The following RPE65 variants were observed in gnomAD, a reference collection of about 807,000 sequenced individuals.
The protein encoded by RPE65 is retinoid isomerohydrolase RPE65, also known as retinoid isomerohydrolase.
RPE65 carries 58 observed loss-of-function variants against 68.5 expected under a neutral mutation model. That is an observed-to-expected ratio of 0.85 (90% confidence interval 0.69 to 1.05). The LOEUF is 1.05. Ranked by LOEUF, RPE65 falls within the 50% of genes least tolerant of loss-of-function variation. The probability of loss-of-function intolerance (pLI) is 0.00; values close to 1 mark genes in which losing one functional copy is unlikely to be tolerated. For synonymous variants in RPE65, 220 were observed against 222.2 expected (o/e 0.99, Z 0.09); for missense variants, 643 against 629.9 (o/e 1.02, Z -0.22).
At chr1:68,438,506 G>C (rs137978847) in intron 9 of RPE65, among the ~76,000 whole-genome samples, 190 bp from the exon 10 acceptor site, 4 of 152,212 alleles carry the variant, frequency 2.6e-5, no homozygotes, top group Admixed American at 2.6e-4. Flanking sequence ...CCTGCTTAAT[G>C]GATTTGTTTA....
rs965685312 is a variant in RPE65 at position 68,442,623 on chromosome 1, T to A, written c.496-1623A>T. On this transcript the variant is annotated intron_variant, in intron 5 of 13. Transcript: ENST00000262340. ...TAAACAATCAAAAATTTCACATTTT[T>A]AAAATTACATTTTACAGTGCTAGTA... Among the ~76,000 whole-genome samples the A allele has an allele frequency of 3.3e-5, 5 of 152,244 alleles. No homozygotes were observed. The South Asian group carries it at 8.3e-4, about 25-fold the overall frequency.
intron 10 of RPE65, among the ~76,000 whole-genome samples, chr1:68,433,775 A>C (rs1441564363): frequency 1.3e-5 from 2 of 152,030 alleles, no homozygotes; most frequent in East Asian, 1.9e-4. Flanking sequence ...GGGGGTGGAG[A>C]GCTGAATTTA....
At position 68,434,117 on chromosome 1, in the gene RPE65, C is replaced by T. The variant is rs12140914; in HGVS notation, c.1129-2532G>A. ...ATATATATATATATATATATATATA[C>T]ACACACACACACACACACACACATA... On this transcript the variant is annotated intron_variant, in intron 10 of 13. Coordinates refer to ENST00000262340, the MANE Select transcript of RPE65 (RefSeq NM_000329.3). Among the ~76,000 whole-genome samples the T allele has an allele frequency of 5.1e-3, 534 of 104,612 alleles. 5 individuals are homozygous for T. Among genetic ancestry groups the T allele is most frequent in the Middle Eastern group, 0.024 (5 of 208 alleles). 68.6% of individuals were successfully genotyped at this position (104,612 alleles called of 152,430 possible).
chr1:68,444,783 A>G lies in RPE65; in HGVS notation c.346T>C (p.Phe116Leu), dbSNP rs1315670304. 6.2e-7 allele frequency: 1 copy of G among 1,614,198 alleles called. No homozygotes were observed. The highest frequency in any genetic ancestry group is 1.3e-5 in the African/African-American group (1 of 75,064). ...CAGTTTGGGTTCAGTAACCTGGAAA[A>G]TATATTCTTGCAGGGATCTGGGAAA... ...CAFPDPCKNI[F>L]SRFFSYFRGV... Residue 116 changes from phenylalanine (F) to leucine (L), a missense_variant, in exon 4 of 14, where the codon TTT becomes CTT. By Grantham distance (22) the Phe-to-Leu change is conservative. Transcript: ENST00000262340.
chr1:68,439,790 T>C, intron 6 of RPE65, 148 bp from the exon 7 acceptor site: 1 of 697,890 alleles, frequency 1.4e-6, no homozygotes, highest in Non-Finnish European at 2.4e-6. Context: ...TTGCACTTCT[T>C]AGTGAAATTT....
At chr1:68,449,138 G>A (rs1337421721) in intron 1 of RPE65, among the ~76,000 whole-genome samples, 1 of 152,044 alleles carries the variant, frequency 6.6e-6, no homozygotes, top group Non-Finnish European at 1.5e-5. Flanking sequence ...AACATGCTCA[G>A]CTCACAGCAT....
Position 68,439,635 on chromosome 1 carries a change from T to A in RPE65, c.651A>T (p.Glu217Asp). ...CGATCTCTGACTTGCTTATTGGATC[T>A]TCCTTGTCTGAAATAAAGTGGTTTT... The part of the protein sequence containing the change: ...VKIPPLQADK[E>D]DPISKSEIVV... Residue 217 changes from glutamate to aspartate, a missense_variant, in exon 7 of 14, where the codon GAA becomes GAT. By Grantham distance (45) the Glu-to-Asp change is conservative (BLOSUM62 2). Transcript: ENST00000262340. The A allele has an allele frequency of 1.2e-6, 2 of 1,613,784 alleles. No homozygotes were observed. Among genetic ancestry groups the A allele is most frequent in the Non-Finnish European group, 1.7e-6 (2 of 1,179,704 alleles).
In RPE65 at chr1:68,444,596, A is replaced by C. The variant is rs61752880; in HGVS notation, c.430T>G (p.Tyr144Asp). The change falls in exon 5 of 14, where the codon TAC (tyrosine) becomes GAC (aspartate). Residue 144 changes from tyrosine (Y) to aspartate (D), a missense_variant. Coordinates refer to ENST00000262340, the MANE Select transcript of RPE65 (RefSeq NM_000329.3). ...ATAAAGTTGGTCTCTGTGCAAGCGT[A>C]GTAATCTTCCCCCACTGGGTAGACA... ...VNVYPVGEDY[Y>D]ACTETNFITK... is the part of the protein sequence containing the mutation. The C allele has an allele frequency of 1.2e-6, 2 of 1,614,206 alleles. No individual in the cohort carries two copies. The highest frequency in any genetic ancestry group is 1.7e-6 in the Non-Finnish European group (2 of 1,180,024).
chr1:68,435,314 A>AT (rs1645853442), intron 10 of RPE65, among the ~76,000 whole-genome samples: 1 of 151,928 alleles, frequency 6.6e-6, no homozygotes, highest in Non-Finnish European at 1.5e-5. Flanking sequence ...CAAATTCTTT[A>AT]TTTTTTAAAT....
rs201379753 is a variant in RPE65, at chr1:68,431,560, G to A, written c.1154C>T (p.Thr385Met). The change falls in exon 11 of 14, where the codon ACG becomes ATG. Residue 385 changes from threonine to methionine, a missense_variant. Thr to Met is a moderately conservative substitution (Grantham distance 81, BLOSUM62 -1). Transcript: ENST00000262340. ...DKADTGKNLV[T>M]LPNTTATAIL... is the part of the protein sequence containing the mutation. Reference sequence around the variant, plus strand: ...TGCAGTGGCAGTTGTATTGGGGAGCGTGACTAAATTCTTGCCTGTGTCAGC... The same window carrying A: ...TGCAGTGGCAGTTGTATTGGGGAGCATGACTAAATTCTTGCCTGTGTCAGC... 214 of 1,613,842 alleles carry A rather than the reference G, an allele frequency of 1.3e-4. 1 individual carries two copies. The East Asian group carries it at 3.6e-3, about 27-fold the overall frequency.
rs1356481197 is a variant in RPE65, at chr1:68,438,172, A to G, written c.1128+15T>C. 1 of 1,613,750 alleles carries G rather than the reference A, an allele frequency of 6.2e-7. No homozygotes were observed. The highest frequency in any genetic ancestry group is 1.7e-5 in the Admixed American group (1 of 60,000). ...CATTCTGGTTAAATCTGAAATCTAC[A>G]GAGAAGCAGGTTACCTTGTCAATAT... On this transcript the variant is annotated intron_variant, in intron 10 of 13. Transcript: ENST00000262340.
chr1:68,439,789 T>C, intron 6 of RPE65, 147 bp from the exon 7 acceptor site: 1 of 698,548 alleles, frequency 1.4e-6, no homozygotes. Context: ...TTTGCACTTC[T>C]TAGTGAAATT....
Position 68,446,696 on chromosome 1 carries a change from G to C in RPE65, c.245+14C>G, listed in dbSNP as rs368381348. 1.2e-6 allele frequency: 2 copies of C among 1,614,126 alleles called. No individual in the cohort carries two copies. The highest frequency in any genetic ancestry group is 2.2e-5 in the South Asian group (2 of 91,074). On this transcript the variant is annotated intron_variant, in intron 3 of 13. Transcript: ENST00000262340. ...TACTTTGAGGAGGAGGAGTGGCATG[G>C]AGTGCTGCTTTACCTTCTGTGGTAT...
rs1260969698 is a variant in RPE65, at chr1:68,439,560, C to T, written c.725+1G>A. The T allele has an allele frequency of 6.2e-7, 1 of 1,613,584 alleles. No homozygotes were observed. Among genetic ancestry groups the T allele is most frequent in the Non-Finnish European group, 8.5e-7 (1 of 1,179,520 alleles). On this transcript the variant is annotated splice_donor_variant, in intron 7 of 13. Transcript: ENST00000262340. LOFTEE classifies it high-confidence loss of function. ...AGATTCATAGCAGGCCTTCAAGTTA[C>T]CTATGAACGTAAGATGGCTTGAATC...
chr1:68,435,929 A>G (rs747692714), intron 10 of RPE65, among the ~76,000 whole-genome samples: 16 of 152,220 alleles, frequency 1.1e-4, no homozygotes, highest in Non-Finnish European at 2.2e-4. Flanking sequence ...AAATAGTATG[A>G]TGCCTGTTTT....
Position 68,431,103 on chromosome 1 carries a change from A to G in RPE65, c.1412T>C (p.Ile471Thr). ...CAAGGCATCTGGGTGAGAAACAAAG[A>G]TGGGTTCTGATGGGTATGAATCAGG... is the stretch of plus-strand genomic sequence containing the variant. ...QEPDSYPSEP[I>T]FVSHPDALEE... The change falls in exon 13 of 14, where the codon ATC becomes ACC. Residue 471 changes from isoleucine (I) to threonine (T), a missense_variant. By Grantham distance (89) the Ile-to-Thr change is moderately conservative. Transcript: ENST00000262340. The G allele has an allele frequency of 6.2e-7, 1 of 1,613,822 alleles. No individual in the cohort carries two copies. The highest frequency in any genetic ancestry group is 1.1e-5 in the South Asian group (1 of 91,084).
Position 68,429,839 on chromosome 1 carries a change from A to T in RPE65, c.1539T>A (p.Val513=). 6.2e-7 allele frequency: 1 copy of T among 1,613,874 alleles called. No homozygotes were observed. Among genetic ancestry groups the T allele is most frequent in the Non-Finnish European group, 8.5e-7 (1 of 1,179,836 alleles). The change falls in exon 14 of 14, where the codon GTT becomes GTA. Residue 513 remains valine, a synonymous_variant. Coordinates refer to ENST00000262340, the MANE Select transcript of RPE65 (RefSeq NM_000329.3). ...LILNAKDLSE[V]ARAEVEINIP... ...TGTTAATCTCCACTTCAGCCCGGGCAACTTCACTTAAGTCCTTGGCATTCA... is the reference window on the plus strand; with the variant it reads ...TGTTAATCTCCACTTCAGCCCGGGCTACTTCACTTAAGTCCTTGGCATTCA...
chr1:68,439,210 T>C lies in RPE65; in HGVS notation c.839A>G (p.Glu280Gly). The change falls in exon 8 of 14, where the codon GAG becomes GGG. Residue 280 changes from glutamate to glycine, a missense_variant. Glu to Gly is a moderately conservative substitution (Grantham distance 98). Transcript: ENST00000262340. ...ACTTACCCCCATGGTTTCATTGGACTCAAAACAATCCATGTAGTTGGCTCC... is the reference window on the plus strand; with the variant it reads ...ACTTACCCCCATGGTTTCATTGGACCCAAAACAATCCATGTAGTTGGCTCC... ...LWGANYMDCF[E>G]SNETMGVWLH... 1.2e-6 allele frequency: 2 copies of C among 1,614,072 alleles called. No individual in the cohort carries two copies. The highest frequency in any genetic ancestry group is 1.7e-6 in the Non-Finnish European group (2 of 1,179,958).
intron 1 of RPE65, among the ~76,000 whole-genome samples, chr1:68,448,934 G>C (rs1308349305): frequency 1.3e-5 from 2 of 151,522 alleles, no homozygotes; most frequent in Admixed American, 1.3e-4. Context: ...TATGGAAGGG[G>C]GTCCCAGATC....
Sources: allele counts gnomAD v4.1 joint callset (sites outside exome capture counted in the v4.1 genomes callset), GRCh38; gene constraint gnomAD v4.1.1; transcripts MANE v1.5; gene names NCBI Gene and HGNC (gene_info 2026-07-23, HGNC 2026-07-21).